The following CSMD1 variants were observed in gnomAD, a reference collection of about 807,000 sequenced individuals.
CSMD1 encodes CUB and Sushi multiple domains 1.
Under a neutral mutation model 417.5 loss-of-function variants are expected in CSMD1, and 213 were observed. That is an observed-to-expected ratio of 0.51 (90% CI 0.46 to 0.57). The LOEUF (loss-of-function observed/expected upper bound fraction) is 0.57, where lower values mean the gene tolerates loss of function less well. Ranked by LOEUF, CSMD1 falls within the 20% of genes least tolerant of loss-of-function variation. The probability of loss-of-function intolerance (pLI) is 0.00; values close to 1 mark genes in which losing one functional copy is unlikely to be tolerated. For synonymous variants in CSMD1, 2,862 were observed against 1,736.8 expected, an observed-to-expected ratio of 1.65 and a Z score of -16.11; for missense variants, 6,923 against 4,529.7, an observed-to-expected ratio of 1.53 and a Z score of -15.17.
At chr8:4,508,839 T>C (rs907164912) in intron 2 of CSMD1, among the ~76,000 whole-genome samples, 4 of 152,194 alleles carry the variant, frequency 2.6e-5, no homozygotes, top group Non-Finnish European at 5.9e-5. Flanking sequence ...TTAGTGGTTT[T>C]TTTTTGGAAT....
chr8:4,695,107 G>T (rs1402203871), intron 1 of CSMD1, among the ~76,000 whole-genome samples: 1 of 149,820 alleles, frequency 6.7e-6, no homozygotes, highest in Admixed American at 6.6e-5. Context: ...ACTTAAGCCT[G>T]GGGTCTGAAC....
chr8:4,244,533 C>T (rs1245194454), intron 3 of CSMD1, among the ~76,000 whole-genome samples: 3 of 151,728 alleles, frequency 2.0e-5, no homozygotes, highest in African/African-American at 4.8e-5. Context: ...ATAAAATTTT[C>T]TTTCTTTTTT....
Position 4,347,827 on chromosome 8 carries a change from T to C in CSMD1, c.415+72126A>G, listed in dbSNP as rs535318681. On this transcript the variant is annotated intron_variant, in intron 3 of 69. Coordinates refer to ENST00000635120, the MANE Select transcript of CSMD1 (RefSeq NM_033225.6). ...AATCACTTAAACAGATATTATATCTTCTCTCGTTCAAAGAAACAAAAAAAA... is the reference window on the plus strand; with the variant it reads ...AATCACTTAAACAGATATTATATCTCCTCTCGTTCAAAGAAACAAAAAAAA... Among the ~76,000 whole-genome samples, 64 of 129,332 alleles carry C rather than the reference T, an allele frequency of 4.9e-4. 1 individual carries two copies. The highest frequency in any genetic ancestry group is 2.0e-3 in the African/African-American group (55 of 28,006). The allele number at this position is 129,332 out of a possible 152,430, so 84.8% of individuals were successfully genotyped here.
At chr8:2,979,158 G>A (rs144984222) in intron 54 of CSMD1, among the ~76,000 whole-genome samples, 1 of 152,192 alleles carries the variant, frequency 6.6e-6, no homozygotes, top group Non-Finnish European at 1.5e-5. Flanking sequence ...TTTTACTCAA[G>A]TGTGGTGTTT....
At chr8:3,097,166 T>C (rs1421427721) in intron 46 of CSMD1, 129 bp from the exon 47 acceptor site, 23 of 630,844 alleles carry the variant, frequency 3.6e-5, no homozygotes, top group Non-Finnish European at 5.5e-5. Flanking sequence ...TGGCCAAATT[T>C]AATACCGAAT....
rs186793893 is a variant in CSMD1 at position 4,167,770 on chromosome 8, G to A, written c.416-135671C>T. On this transcript the variant is annotated intron_variant, in intron 3 of 69. Transcript: ENST00000635120. ...TTTTAGAGACCAAGGCAGGAGGATT[G>A]CTTGAGTTCAGGAGTTTGAGACTAG... 1.0e-3 allele frequency among the ~76,000 whole-genome samples: 153 copies of A among 152,256 alleles called. 1 individual carries two copies. The highest frequency in any genetic ancestry group is 3.5e-3 in the African/African-American group (147 of 41,540).
rs533615786 is a variant in CSMD1, at chr8:4,747,588, A to G, written c.86-110030T>C. On this transcript the variant is annotated intron_variant, in intron 1 of 69. Transcript: ENST00000635120. ...GACTATATTGTCACCTGCTAAATAC[A>G]CTGAATGTTGTGCTTCTCTCTTTAT... Among the ~76,000 whole-genome samples, 155 of 152,306 alleles carry G rather than the reference A, an allele frequency of 1.0e-3. 2 individuals are homozygous for G. The highest frequency in any genetic ancestry group is 1.9e-4 in the Non-Finnish European group (13 of 68,016).
In CSMD1 at chr8:2,973,260, G is replaced by A. The variant is rs759546020; in HGVS notation, c.8780C>T (p.Ala2927Val). ...GTCATCACCAAGCCGAGACCCATGT[G>A]CTGGGGTCCCCGGATCACCACAGAA... The part of the protein sequence containing the change: ...PGFCGDPGTP[A>V]HGSRLGDDFK... The change falls in exon 57 of 70, where the codon GCA becomes GTA. Residue 2927 changes from alanine to valine, a missense_variant. Transcript: ENST00000635120. The A allele has an allele frequency of 6.2e-7, 1 of 1,613,942 alleles. No individual in the cohort carries two copies. The highest frequency in any genetic ancestry group is 8.5e-7 in the Non-Finnish European group (1 of 1,179,854).
chr8:4,151,955 G>A (rs1236245121), intron 3 of CSMD1, among the ~76,000 whole-genome samples: 1 of 152,152 alleles, frequency 6.6e-6, no homozygotes, highest in African/African-American at 2.4e-5. Context: ...TCAATGGGAG[G>A]TGTAAGCAGT....
chr8:2,963,041 C>G (rs570181237), intron 60 of CSMD1, among the ~76,000 whole-genome samples, 181 bp downstream of exon 60: 9 of 152,282 alleles, frequency 5.9e-5, no homozygotes, highest in African/African-American at 2.2e-4. Flanking sequence ...GAGTGAGGAC[C>G]TGTCTCAAAA....
At chr8:3,877,593 C>G (rs1805910354) in intron 5 of CSMD1, among the ~76,000 whole-genome samples, 1 of 152,300 alleles carries the variant, frequency 6.6e-6, no homozygotes, top group South Asian at 2.1e-4. Flanking sequence ...ACTGTTAGAT[C>G]TAACAACCAG....
chr8:4,945,556 C>T (rs938015616), intron 1 of CSMD1, among the ~76,000 whole-genome samples: 18 of 151,072 alleles, frequency 1.2e-4, no homozygotes, highest in African/African-American at 3.7e-4. Context: ...AGTAAAAATG[C>T]TTTAAAAAAT....
intron 5 of CSMD1, among the ~76,000 whole-genome samples, chr8:3,846,384 C>G (rs1390984394): frequency 2.6e-5 from 4 of 152,036 alleles, no homozygotes; most frequent in Non-Finnish European, 5.9e-5. Context: ...GTGCATGACT[C>G]TACATGTGAA....
chr8:3,734,872 A>G (rs1796448046), intron 6 of CSMD1, among the ~76,000 whole-genome samples: 1 of 152,150 alleles, frequency 6.6e-6, no homozygotes, highest in South Asian at 2.1e-4. Flanking sequence ...CTGATGCTAC[A>G]ATAGGGCTGT....
chr8:3,694,573 G>C (rs539573103), intron 7 of CSMD1, among the ~76,000 whole-genome samples: 2 of 151,898 alleles, frequency 1.3e-5, no homozygotes, highest in Non-Finnish European at 2.9e-5. Context: ...GGCCAGGCCC[G>C]AGACTCCCCA....
Position 3,669,198 on chromosome 8 carries a change from G to C in CSMD1, c.1009+39216C>G, listed in dbSNP as rs1021053847. On this transcript the variant is annotated intron_variant, in intron 7 of 69. Coordinates refer to ENST00000635120, the MANE Select transcript of CSMD1 (RefSeq NM_033225.6). Reference sequence around the variant, plus strand: ...CATAAAGTTATGTTTTAATTGAAAGGCTAGGAGCATAAATTCAAAGACACT... The same window carrying C: ...CATAAAGTTATGTTTTAATTGAAAGCCTAGGAGCATAAATTCAAAGACACT... 4.6e-5 allele frequency among the ~76,000 whole-genome samples: 7 copies of C among 152,276 alleles called. No individual in the cohort carries two copies. In the South Asian group the frequency reaches 1.4e-3, roughly 32 times the overall value.
intron 2 of CSMD1, among the ~76,000 whole-genome samples, chr8:4,634,327 G>C (rs1438425677): frequency 2.0e-5 from 3 of 152,042 alleles, no homozygotes; most frequent in African/African-American, 7.2e-5. Flanking sequence ...TAATTCTAAA[G>C]TATATATTCT....
Position 3,665,387 on chromosome 8 carries a change from G to C in CSMD1, c.1009+43027C>G, listed in dbSNP as rs1485991415. Among the ~76,000 whole-genome samples, 5 of 152,198 alleles carry C rather than the reference G, an allele frequency of 3.3e-5. No homozygotes were observed. In the East Asian group the frequency reaches 5.8e-4, roughly 18 times the overall value. On this transcript the variant is annotated intron_variant, in intron 7 of 69. Coordinates refer to ENST00000635120, the MANE Select transcript of CSMD1 (RefSeq NM_033225.6). The stretch of plus-strand genomic sequence containing the variant: ...TCTACTAAAATACAAAAATTAGCCA[G>C]GTGTGGTGGCATGCACCAGTAATAC...
chr8:3,277,891 A>C (rs1352465384), intron 26 of CSMD1, among the ~76,000 whole-genome samples: 1 of 152,258 alleles, frequency 6.6e-6, no homozygotes, highest in Middle Eastern at 3.2e-3. Flanking sequence ...TTTCTTCCCT[A>C]CAAAAGTGAC....
Sources: gnomAD v4.1 joint callset for allele counts (sites outside exome capture counted in the v4.1 genomes callset) on GRCh38, gnomAD v4.1.1 for gene constraint, MANE v1.5 for transcripts, NCBI Gene and HGNC (gene_info 2026-07-23, HGNC 2026-07-21) for gene names.